CNKSR3: variants seen among roughly 807,000 people sequenced by gnomAD.
CNKSR3 encodes connector enhancer of kinase suppressor of ras 3.
CNKSR3 carries 36 observed loss-of-function variants against 67.7 expected under a neutral mutation model. The ratio of observed to expected loss-of-function variants is 0.53; its 90% CI spans 0.41 to 0.70. The LOEUF is 0.70. Ranked by LOEUF, CNKSR3 falls within the 30% of genes least tolerant of loss-of-function variation. CNKSR3 has a pLI of 0.00. For missense variants in CNKSR3, 630 were observed against 695.2 expected, an observed-to-expected ratio of 0.91 and a Z score of 1.05; for synonymous variants, 281 against 271.4, an observed-to-expected ratio of 1.04 and a Z score of -0.35.
chr6:154,476,962 G>A (rs1786465138), intron 1 of CNKSR3, among the ~76,000 whole-genome samples: 1 of 152,136 alleles, frequency 6.6e-6, no homozygotes, highest in Non-Finnish European at 1.5e-5. Context: ...ATTCCCTCAT[G>A]GGCCCAGCAA....
At chr6:154,448,032 C>A (rs78800343) in intron 2 of CNKSR3, among the ~76,000 whole-genome samples, 7,026 of 152,134 alleles carry the variant, frequency 0.046, 328 homozygotes, top group East Asian at 0.19. Flanking sequence ...CCCCCCTGTC[C>A]AATGTAGTCA....
rs763728759 is a variant in CNKSR3, at chr6:154,400,998, G to A, written c.*5356C>T. 1.3e-5 allele frequency: 2 copies of A among 152,156 alleles called. No homozygotes were observed. Among genetic ancestry groups the A allele is most frequent in the Non-Finnish European group, 2.9e-5 (2 of 68,030 alleles). 9.4% of individuals were successfully genotyped at this position (152,156 alleles called of 1,614,324 possible). On this transcript the variant is annotated 3_prime_UTR_variant, in exon 13 of 13. Coordinates refer to ENST00000607772, the MANE Select transcript of CNKSR3 (RefSeq NM_173515.4). Reference sequence around the variant, plus strand: ...GTTGAGGTCCTCAACTGGGGTTGAGGGACCCTAACTAGGGGTTAATACATC... The same window carrying A: ...GTTGAGGTCCTCAACTGGGGTTGAGAGACCCTAACTAGGGGTTAATACATC...
chr6:154,415,861 A>G (rs1201404352), intron 9 of CNKSR3, among the ~76,000 whole-genome samples: 1 of 152,212 alleles, frequency 6.6e-6, no homozygotes, highest in African/African-American at 2.4e-5. Flanking sequence ...ACCTTCTACA[A>G]TCTAACAATG....
chr6:154,491,457 G>A (rs1313884874), intron 1 of CNKSR3, among the ~76,000 whole-genome samples: 1 of 152,196 alleles, frequency 6.6e-6, no homozygotes, highest in Non-Finnish European at 1.5e-5. Context: ...CCTAGGGTCT[G>A]TACCAGACAT....
intron 12 of CNKSR3, among the ~76,000 whole-genome samples, chr6:154,410,107 T>G (rs1784877224): frequency 6.6e-6 from 1 of 152,188 alleles, no homozygotes; most frequent in Admixed American, 6.5e-5. Context: ...CAGCACTCAA[T>G]GCTAATTAGG....
chr6:154,501,768 G>GGT (rs537755211), intron 1 of CNKSR3, among the ~76,000 whole-genome samples: 127 of 152,234 alleles, frequency 8.3e-4, no homozygotes, highest in Non-Finnish European at 1.4e-3. Context: ...TTTTGTGGTT[G>GGT]GTGGTGGCGT....
intron 1 of CNKSR3, among the ~76,000 whole-genome samples, chr6:154,504,105 A>C (rs1471147496): frequency 6.6e-6 from 1 of 152,240 alleles, no homozygotes; most frequent in Non-Finnish European, 1.5e-5. Context: ...AGGGGCCAAC[A>C]GTTGACAGCA....
chr6:154,445,388 T>A (rs1785688749), intron 2 of CNKSR3, among the ~76,000 whole-genome samples: 1 of 152,164 alleles, frequency 6.6e-6, no homozygotes, highest in Non-Finnish European at 1.5e-5. Flanking sequence ...CTTTTTAAAT[T>A]CAAAGAATCA....
intron 2 of CNKSR3, among the ~76,000 whole-genome samples, chr6:154,443,138 A>C (rs1372129667): frequency 6.6e-6 from 1 of 151,794 alleles, no homozygotes; most frequent in Non-Finnish European, 1.5e-5. Flanking sequence ...GCTCAGGCAC[A>C]ATGCCCCCCT....
chr6:154,473,931 C>T (rs1416526233), intron 1 of CNKSR3, among the ~76,000 whole-genome samples: 2 of 151,734 alleles, frequency 1.3e-5, no homozygotes, highest in South Asian at 4.2e-4. Context: ...ATTACAGGCA[C>T]GTGCCACCAC....
At chr6:154,503,706 T>A (rs113268356) in intron 1 of CNKSR3, among the ~76,000 whole-genome samples, 27 of 152,094 alleles carry the variant, frequency 1.8e-4, no homozygotes, top group East Asian at 1.9e-4. Flanking sequence ...AAGGGAAATG[T>A]CTCACTTATT....
intron 9 of CNKSR3, among the ~76,000 whole-genome samples, chr6:154,417,319 G>C (rs1328094871): frequency 6.6e-6 from 1 of 152,198 alleles, no homozygotes; most frequent in East Asian, 1.9e-4. Context: ...ACAACAGCTA[G>C]TAAGTGGCAG....
rs34060385 is a variant in CNKSR3 at position 154,431,440 on chromosome 6, CAAA to C, written c.550-852_550-850del. ...CCTGGGTAACAGAGCGAGACTCTGT[CAAA>C]AAAAAAAAAAAAAAAAAAGCCACCA... On this transcript the variant is annotated intron_variant, in intron 5 of 12. Coordinates refer to ENST00000607772, the MANE Select transcript of CNKSR3 (RefSeq NM_173515.4). 5.1e-3 allele frequency among the ~76,000 whole-genome samples: 477 copies of C among 93,506 alleles called. 3 individuals are homozygous for C. Among genetic ancestry groups the C allele is most frequent in the African/African-American group, 9.0e-3 (266 of 29,458 alleles). The allele number at this position is 93,506 out of a possible 152,430, so 61.3% of individuals were successfully genotyped here. A position where few individuals can be genotyped will look rare whatever the true frequency, so the allele number is the denominator to read the frequency against.
chr6:154,502,164 C>T (rs983069131), intron 1 of CNKSR3, among the ~76,000 whole-genome samples: 3 of 151,592 alleles, frequency 2.0e-5, no homozygotes, highest in Non-Finnish European at 4.4e-5. Context: ...ATATGCCATA[C>T]GTTATGCAAA....
intron 1 of CNKSR3, among the ~76,000 whole-genome samples, chr6:154,463,449 T>C (rs546659823): frequency 1.1e-3 from 160 of 152,234 alleles, no homozygotes; most frequent in African/African-American, 3.6e-3. Context: ...GTATTCACCG[T>C]GGGAAATGAG....
intron 1 of CNKSR3, among the ~76,000 whole-genome samples, chr6:154,459,365 T>C (rs1238211223): frequency 6.6e-6 from 1 of 151,966 alleles, no homozygotes; most frequent in African/African-American, 2.4e-5. Flanking sequence ...GCAAAGTTCT[T>C]TCACTTTGTT....
At chr6:154,485,791 C>T (rs6900343) in intron 1 of CNKSR3, among the ~76,000 whole-genome samples, 1 of 152,044 alleles carries the variant, frequency 6.6e-6, no homozygotes, top group East Asian at 1.9e-4. Flanking sequence ...GGTAATCACC[C>T]TTCTGGTGGT....
chr6:154,506,118 A>C (rs1414579295), intron 1 of CNKSR3, among the ~76,000 whole-genome samples: 1 of 152,180 alleles, frequency 6.6e-6, no homozygotes, highest in Non-Finnish European at 1.5e-5. Flanking sequence ...CTGAGAACTG[A>C]GCTATGAAAA....
chr6:154,468,393 TACACACACACACACACACAC>T (rs55806681), intron 1 of CNKSR3, among the ~76,000 whole-genome samples: 2 of 137,218 alleles, frequency 1.5e-5, no homozygotes, highest in Admixed American at 7.5e-5. Context: ...ATATATTTTA[TACACACACACACACACACAC>T]ACACACACAC....
Sources: allele counts gnomAD v4.1 joint callset (sites outside exome capture counted in the v4.1 genomes callset), GRCh38; gene constraint gnomAD v4.1.1; transcripts MANE v1.5; gene names NCBI Gene and HGNC (gene_info 2026-07-23, HGNC 2026-07-21).